The following MAST2 variants were observed in gnomAD, a reference collection of about 807,000 sequenced individuals.
MAST2 encodes the protein microtubule associated serine/threonine kinase 2.
Under a neutral mutation model 147.4 loss-of-function variants are expected in MAST2, and 70 were observed. The ratio of observed to expected loss-of-function variants is 0.47; its 90% CI spans 0.39 to 0.58. The LOEUF (loss-of-function observed/expected upper bound fraction) is 0.58. MAST2 is among the 20% of genes least tolerant of loss of function. The probability of loss-of-function intolerance (pLI) is 0.00; values close to 1 mark genes in which losing one functional copy is unlikely to be tolerated. For synonymous variants in MAST2, 869 were observed against 896.8 expected (o/e 0.97, Z 0.55); for missense variants, 2,080 against 2,302.3 (o/e 0.90, Z 1.98).
chr1:45,820,952 TG>T (rs1271580357), intron 1 of MAST2, among the ~76,000 whole-genome samples: 1 of 138,202 alleles, frequency 7.2e-6, no homozygotes, highest in Admixed American at 8.2e-5. Flanking sequence ...CGGGCTGGAG[TG>T]TAGTGGTGCA....
At chr1:46,030,321 G>A in intron 21 of MAST2, 83 bp downstream of exon 21, 1 of 1,384,142 alleles carries the variant, frequency 7.2e-7, no homozygotes, top group South Asian at 1.2e-5. Flanking sequence ...ACCTGGGGCA[G>A]GCTCAGGGAG....
chr1:45,939,980 GTTTTTTTTT>G (rs1174123217), intron 4 of MAST2, among the ~76,000 whole-genome samples: 1 of 97,286 alleles, frequency 1.0e-5, no homozygotes, highest in East Asian at 3.6e-4. Context: ...TTTATTTAGG[GTTTTTTTTT>G]TTTTTTTTTT....
intron 9 of MAST2, among the ~76,000 whole-genome samples, chr1:46,008,750 G>T (rs1337547421): frequency 6.6e-6 from 1 of 152,200 alleles, no homozygotes; most frequent in East Asian, 1.9e-4. Flanking sequence ...CTCATTACAG[G>T]ATTTGCCCTC....
At chr1:45,848,196 T>C (rs1032864359) in intron 3 of MAST2, among the ~76,000 whole-genome samples, 3 of 152,210 alleles carry the variant, frequency 2.0e-5, no homozygotes, top group Non-Finnish European at 4.4e-5. Flanking sequence ...AAACCATTAA[T>C]ATAGCAGTCC....
chr1:46,019,536 G>A, intron 10 of MAST2, 60 bp from the exon 11 acceptor site: 1 of 1,382,562 alleles, frequency 7.2e-7, no homozygotes. Context: ...GCCCTGTCTG[G>A]TCCTGCTTAG....
intron 5 of MAST2, among the ~76,000 whole-genome samples, chr1:45,978,555 A>T (rs564805891): frequency 3.0e-4 from 45 of 152,292 alleles, no homozygotes; most frequent in African/African-American, 1.1e-3. Context: ...AATCACAAAA[A>T]GATATTATAT....
intron 4 of MAST2, among the ~76,000 whole-genome samples, chr1:45,906,030 C>T (rs1650663701): frequency 6.6e-6 from 1 of 152,022 alleles, no homozygotes; most frequent in Non-Finnish European, 1.5e-5. Context: ...ACTTACATTT[C>T]CCAGATGAAT....
intron 3 of MAST2, among the ~76,000 whole-genome samples, chr1:45,844,392 C>T (rs138735394): frequency 0.025 from 3,825 of 152,192 alleles, 165 homozygotes; most frequent in African/African-American, 0.088. Flanking sequence ...AAGTGATTCT[C>T]CTGCTTCAGT....
chr1:45,884,056 GAA>G (rs1227119652), intron 4 of MAST2, among the ~76,000 whole-genome samples: 1 of 46,990 alleles, frequency 2.1e-5, no homozygotes, highest in African/African-American at 7.2e-5. Context: ...TTGCTGGGAA[GAA>G]GGAGAAGGAG....
chr1:45,956,712 G>C (rs1331331920), intron 4 of MAST2, among the ~76,000 whole-genome samples: 2 of 152,198 alleles, frequency 1.3e-5, no homozygotes, highest in South Asian at 4.1e-4. Flanking sequence ...TGTCACTATA[G>C]CCATGCTCTG....
Position 46,025,801 on chromosome 1 carries a change from C to G in MAST2, c.1905C>G (p.Asp635Glu). 6.2e-7 allele frequency: 1 copy of G among 1,614,186 alleles called. No homozygotes were observed. The highest frequency in any genetic ancestry group is 8.5e-7 in the Non-Finnish European group (1 of 1,180,044). The change falls in exon 16 of 29, where the codon GAC becomes GAG. Residue 635 changes from aspartate to glutamate, a missense_variant. By Grantham distance (45) the Asp-to-Glu change is conservative (BLOSUM62 2). Coordinates refer to ENST00000361297, the MANE Select transcript of MAST2 (RefSeq NM_015112.3). Reference sequence around the variant, plus strand: ...ACAACTATGGCATCGTGCACCGTGACCTCAAGCCTGACAAGTATGTCCACA... The same window carrying G: ...ACAACTATGGCATCGTGCACCGTGAGCTCAAGCCTGACAAGTATGTCCACA... ...YLHNYGIVHR[D>E]LKPDNLLITS...
chr1:45,857,457 A>C (rs1645825806), intron 3 of MAST2, among the ~76,000 whole-genome samples: 1 of 152,340 alleles, frequency 6.6e-6, no homozygotes, highest in Middle Eastern at 3.4e-3. Context: ...CTGTTTAAGC[A>C]ACAAATGAAA....
rs79600580 is a variant in MAST2 at position 45,941,916 on chromosome 1, G to A, written c.501-17470G>A. On this transcript the variant is annotated intron_variant, in intron 4 of 28. Coordinates refer to ENST00000361297, the MANE Select transcript of MAST2 (RefSeq NM_015112.3). ...GAAGTGTTTGGAGAGTAATACATTCGCTACTAGAACAGTTTAGGTTTGCTT... is the reference window on the plus strand; with the variant it reads ...GAAGTGTTTGGAGAGTAATACATTCACTACTAGAACAGTTTAGGTTTGCTT... Among the ~76,000 whole-genome samples the A allele has an allele frequency of 6.7e-3, 1,015 of 152,226 alleles. 12 individuals carry two copies. Among genetic ancestry groups the A allele is most frequent in the African/African-American group, 0.024 (980 of 41,550 alleles).
chr1:45,946,659 G>GGTCTT (rs1483932238), intron 4 of MAST2, among the ~76,000 whole-genome samples: 1 of 152,100 alleles, frequency 6.6e-6, no homozygotes, highest in Non-Finnish European at 1.5e-5. Flanking sequence ...CATTGCTGGT[G>GGTCTT]GTCTTTTCTG....
intron 4 of MAST2, among the ~76,000 whole-genome samples, chr1:45,909,958 C>G (rs1256578123): frequency 1.3e-5 from 2 of 152,194 alleles, no homozygotes; most frequent in Non-Finnish European, 2.9e-5. Flanking sequence ...TTCCTGGGCT[C>G]AAGAGATCTG....
At chr1:45,967,740 G>T (rs1387724072) in intron 5 of MAST2, among the ~76,000 whole-genome samples, 2 of 152,116 alleles carry the variant, frequency 1.3e-5, no homozygotes, top group Non-Finnish European at 2.9e-5. Context: ...GAAAAAATTT[G>T]TGTATAAGTG....
chr1:45,959,961 A>C (rs762339773), intron 5 of MAST2, among the ~76,000 whole-genome samples: 30 of 152,186 alleles, frequency 2.0e-4, no homozygotes, highest in Non-Finnish European at 4.0e-4. Flanking sequence ...AATAGAAACG[A>C]GGTCTCTCTA....
intron 3 of MAST2, among the ~76,000 whole-genome samples, chr1:45,857,411 C>G (rs2148035476): frequency 6.6e-6 from 1 of 152,120 alleles, no homozygotes; most frequent in East Asian, 1.9e-4. Context: ...AAAGGCCTTT[C>G]TATTTGGAAG....
chr1:46,014,789 A>G (rs1423067737), intron 10 of MAST2, among the ~76,000 whole-genome samples: 1 of 152,152 alleles, frequency 6.6e-6, no homozygotes, highest in Non-Finnish European at 1.5e-5. Flanking sequence ...TAGCAAGGAT[A>G]CCCAGGAATT....
Sources: gnomAD v4.1 joint callset for allele counts (sites outside exome capture counted in the v4.1 genomes callset) on GRCh38, gnomAD v4.1.1 for gene constraint, MANE v1.5 for transcripts, NCBI Gene and HGNC (gene_info 2026-07-23, HGNC 2026-07-21) for gene names.